The following ETFDH variants were observed in gnomAD, a reference collection of about 807,000 sequenced individuals.
ETFDH encodes the protein electron transfer flavoprotein dehydrogenase.
A neutral mutation model predicts 73.2 loss-of-function variants in ETFDH; 61 were observed. The observed-to-expected ratio is 0.83, with a 90% CI of 0.68 to 1.03. The LOEUF is 1.03. ETFDH is among the 50% of genes least tolerant of loss of function. The pLI is 0.00. For synonymous variants in ETFDH, 243 were observed against 253.3 expected (o/e 0.96, Z 0.39); for missense variants, 685 against 745.0 (o/e 0.92, Z 0.94).
At chr4:158,705,698 C>A (rs1374248185) in intron 10 of ETFDH, among the ~76,000 whole-genome samples, 1 of 152,198 alleles carries the variant, frequency 6.6e-6, no homozygotes, top group Non-Finnish European at 1.5e-5. Context: ...AATAACATAT[C>A]TATATCTAAT....
intron 3 of ETFDH, among the ~76,000 whole-genome samples, chr4:158,683,134 A>G (rs1237965805): frequency 3.3e-5 from 5 of 152,222 alleles, no homozygotes; most frequent in Non-Finnish European, 5.9e-5. Context: ...TTTCTGAAGA[A>G]ACATATTAAT....
chr4:158,705,137 A>C (rs1774573741), intron 10 of ETFDH, among the ~76,000 whole-genome samples: 1 of 152,224 alleles, frequency 6.6e-6, no homozygotes, highest in South Asian at 2.1e-4. Context: ...CAAAAGCCGT[A>C]AGGGAACCAA....
intron 2 of ETFDH, among the ~76,000 whole-genome samples, chr4:158,681,016 T>C (rs1047576037): frequency 6.7e-6 from 1 of 148,596 alleles, no homozygotes; most frequent in African/African-American, 2.5e-5. Context: ...TACTGTATTA[T>C]ACTTTTATCA....
At chr4:158,695,814 A>G (rs543968739) in intron 7 of ETFDH, among the ~76,000 whole-genome samples, 171 bp downstream of exon 7, 24 of 152,334 alleles carry the variant, frequency 1.6e-4, no homozygotes, top group African/African-American at 4.3e-4. Flanking sequence ...GCTAGAAGAT[A>G]TTACTGATCA....
chr4:158,702,349 A>G (rs1007498115), intron 9 of ETFDH, among the ~76,000 whole-genome samples: 1 of 152,176 alleles, frequency 6.6e-6, no homozygotes, highest in Non-Finnish European at 1.5e-5. Flanking sequence ...TGAAAAAAAT[A>G]ACAAATTATT....
intron 6 of ETFDH, among the ~76,000 whole-genome samples, chr4:158,693,296 C>T (rs1774225598): frequency 6.6e-6 from 1 of 152,094 alleles, no homozygotes; most frequent in South Asian, 2.1e-4. Flanking sequence ...TGACTTGGCT[C>T]TCTTACAGCC....
chr4:158,692,876 TA>T (rs201333277), intron 6 of ETFDH, among the ~76,000 whole-genome samples: 1,914 of 105,082 alleles, frequency 0.018, 24 homozygotes, highest in African/African-American at 0.035. Context: ...AAAAAAAGAT[TA>T]AAAAAAAAAA....
intron 8 of ETFDH, among the ~76,000 whole-genome samples, chr4:158,698,337 A>AC (rs926897544): frequency 5.3e-5 from 8 of 151,908 alleles, no homozygotes; most frequent in African/African-American, 1.7e-4. Context: ...GTGTTTTTTG[A>AC]CCCCCCAGTC....
chr4:158,676,409 G>A (rs1196573845), intron 1 of ETFDH, among the ~76,000 whole-genome samples: 1 of 152,188 alleles, frequency 6.6e-6, no homozygotes, highest in Non-Finnish European at 1.5e-5. Flanking sequence ...ATCCCCAGGA[G>A]CAATTTGGGA....
At chr4:158,682,080 CAG>C in intron 2 of ETFDH, 113 bp from the exon 3 acceptor site, 1 of 1,407,088 alleles carries the variant, frequency 7.1e-7, no homozygotes, top group East Asian at 2.3e-5. Context: ...GTGCAAAACA[CAG>C]GGAGAATTTC....
chr4:158,683,306 CTAGAT>C (rs1380851377), intron 3 of ETFDH, among the ~76,000 whole-genome samples: 1 of 152,102 alleles, frequency 6.6e-6, no homozygotes, highest in Non-Finnish European at 1.5e-5. Flanking sequence ...GTCCTACCTC[CTAGAT>C]TAGATTATTC....
intron 6 of ETFDH, among the ~76,000 whole-genome samples, chr4:158,694,694 T>C (rs1273965434): frequency 6.6e-6 from 1 of 152,150 alleles, no homozygotes; most frequent in East Asian, 1.9e-4. Flanking sequence ...TCACTAACTG[T>C]ACTATAGGGA....
intron 2 of ETFDH, among the ~76,000 whole-genome samples, chr4:158,681,778 A>G (rs1323301207): frequency 6.6e-6 from 1 of 152,242 alleles, no homozygotes; most frequent in African/African-American, 2.4e-5. Flanking sequence ...CCTAGGAGCA[A>G]TAGCCTATAC....
chr4:158,705,906 C>A (rs995129588), intron 10 of ETFDH, among the ~76,000 whole-genome samples: 7 of 152,160 alleles, frequency 4.6e-5, no homozygotes, highest in African/African-American at 1.7e-4. Flanking sequence ...CATGGCAAAA[C>A]CCTCTTTCTA....
chr4:158,676,835 T>C (rs895797929), intron 1 of ETFDH, among the ~76,000 whole-genome samples: 3 of 152,254 alleles, frequency 2.0e-5, no homozygotes, highest in African/African-American at 7.2e-5. Context: ...CATGTACTTA[T>C]TGGCCGTTTG....
Position 158,703,519 on chromosome 4 carries a change from A to C in ETFDH, c.1213A>C (p.Lys405Gln). 6.2e-7 allele frequency: 1 copy of C among 1,609,902 alleles called. No individual in the cohort carries two copies. Among genetic ancestry groups the C allele is most frequent in the Non-Finnish European group, 8.5e-7 (1 of 1,176,220 alleles). ...GATCAAAGGTACTCACACAGCAATG[A>C]AAAGTGGAATTTTAGCAGCAGAATC... is the stretch of plus-strand genomic sequence containing the variant. ...PKIKGTHTAM[K>Q]SGILAAESIF... Residue 405 changes from lysine (K) to glutamine (Q), a missense_variant, in exon 10 of 13, where the codon AAA becomes CAA. By Grantham distance (53) the Lys-to-Gln change is moderately conservative. Coordinates refer to ENST00000511912, the MANE Select transcript of ETFDH (RefSeq NM_004453.4).
intron 8 of ETFDH, 70 bp downstream of exon 8, chr4:158,697,769 G>A: frequency 2.1e-6 from 3 of 1,417,248 alleles, no homozygotes; most frequent in South Asian, 2.3e-5. Context: ...ATAAAATAAG[G>A]GTTTTGAATC....
chr4:158,688,069 C>T (rs1774052445), intron 5 of ETFDH, among the ~76,000 whole-genome samples: 1 of 149,582 alleles, frequency 6.7e-6, no homozygotes, highest in Non-Finnish European at 1.5e-5. Flanking sequence ...CGCCTGAGGA[C>T]CCAGAAAAAT....
rs201823591 is a variant in ETFDH, at chr4:158,680,574, A to C, written c.142A>C (p.Ile48Leu). The C allele has an allele frequency of 3.1e-6, 5 of 1,609,814 alleles. No individual in the cohort carries two copies. The South Asian group carries it at 4.4e-5, about 14-fold the overall frequency. Residue 48 changes from isoleucine to leucine, a missense_variant, in exon 2 of 13, where the codon ATT becomes CTT. This residue lies in a region of ETFDH where 405 missense variants were observed against 399.3 expected (regional missense o/e 1.01). Transcript: ENST00000511912. ...GCCTCGAATTACTACCCATTATACT[A>C]TTTATCCCCGGGATAAGGACAAGAG... ...TVPRITTHYT[I>L]YPRDKDKRWE... is the part of the protein sequence containing the mutation.
Sources: gnomAD v4.1 joint callset for allele counts (sites outside exome capture counted in the v4.1 genomes callset) on GRCh38, gnomAD v4.1.1 for gene constraint, gnomAD v4.1.1 regional missense constraint, MANE v1.5 for transcripts, NCBI Gene and HGNC (gene_info 2026-07-23, HGNC 2026-07-21) for gene names.